Variants in NKAIN3 observed in about 807,000 individuals in gnomAD.
NKAIN3 encodes the protein sodium/potassium transporting ATPase interacting 3, also known as sodium/potassium-transporting ATPase subunit beta-1-interacting protein 3.
Under a neutral mutation model 30.2 loss-of-function variants are expected in NKAIN3, and 25 were observed. The observed-to-expected ratio is 0.83, with a 90% CI of 0.60 to 1.16. NKAIN3 has a LOEUF of 1.16. Among genes scored for constraint, NKAIN3 ranks in the 50% most tolerant of loss-of-function variants. The pLI, the probability that NKAIN3 is intolerant of heterozygous loss-of-function variation, is 0.00. For missense variants in NKAIN3, 225 were observed against 254.1 expected (o/e 0.89, Z 0.78); for synonymous variants, 91 against 89.6 (o/e 1.02, Z -0.09).
In NKAIN3 at chr8:62,977,641, G is replaced by A. The variant is rs983870431; in HGVS notation, c.*12234G>A. ...TTTTATCAAGGTTCTTAGCTTCCTC[G>A]TATTGGGTTACTATATGTTCCATTC... On this transcript the variant is annotated 3_prime_UTR_variant, in exon 7 of 7. Transcript: ENST00000623646. Among the ~76,000 whole-genome samples the A allele has an allele frequency of 3.9e-5, 6 of 151,962 alleles. No individual in the cohort carries two copies. The highest frequency in any genetic ancestry group is 3.4e-3 in the Middle Eastern group (1 of 292).
At chr8:62,758,890 T>G (rs1036208086) in intron 4 of NKAIN3, among the ~76,000 whole-genome samples, 7 of 152,334 alleles carry the variant, frequency 4.6e-5, no homozygotes, top group African/African-American at 9.6e-5. Context: ...CAATATGAAT[T>G]TTTGAGAACA....
At chr8:62,443,985 C>T (rs992862765) in intron 1 of NKAIN3, among the ~76,000 whole-genome samples, 3 of 151,944 alleles carry the variant, frequency 2.0e-5, no homozygotes, top group Admixed American at 2.0e-4. Context: ...TAAAAAACAG[C>T]CAGTGGAATT....
intron 1 of NKAIN3, among the ~76,000 whole-genome samples, chr8:62,422,536 G>A (rs1261829995): frequency 1.3e-5 from 2 of 152,130 alleles, no homozygotes; most frequent in Non-Finnish European, 2.9e-5. Flanking sequence ...CACTGGTGAT[G>A]TAGAAGATCG....
chr8:62,739,355 AC>A (rs1290598603), intron 3 of NKAIN3, among the ~76,000 whole-genome samples: 1 of 152,134 alleles, frequency 6.6e-6, no homozygotes, highest in African/African-American at 2.4e-5. Flanking sequence ...GTCCTCATAA[AC>A]TTTTTGTATA....
At chr8:62,543,097 C>T (rs927548630) in intron 1 of NKAIN3, among the ~76,000 whole-genome samples, 4 of 152,172 alleles carry the variant, frequency 2.6e-5, no homozygotes, top group African/African-American at 9.7e-5. Context: ...TTTCTCTCAA[C>T]ATTCAGTCTC....
intron 1 of NKAIN3, among the ~76,000 whole-genome samples, chr8:62,345,620 CATAT>C (rs1295761116): frequency 7.4e-6 from 1 of 134,808 alleles, no homozygotes; most frequent in Admixed American, 7.4e-5. Context: ...TATATACACA[CATAT>C]ATATACACAT....
At position 62,512,326 on chromosome 8, in the gene NKAIN3, A is replaced by G. The variant is rs1378705907; in HGVS notation, c.55-67213A>G. Among the ~76,000 whole-genome samples the G allele has an allele frequency of 3.9e-5, 6 of 152,000 alleles. No homozygotes were observed. In the East Asian group the frequency reaches 1.2e-3, roughly 29 times the overall value. Reference sequence around the variant, plus strand: ...CTAATCCCAGATACCCTCACCCAGTATTTCTCTATAATGTTCCTAATCCAT... The same window carrying G: ...CTAATCCCAGATACCCTCACCCAGTGTTTCTCTATAATGTTCCTAATCCAT... On this transcript the variant is annotated intron_variant, in intron 1 of 6. Transcript: ENST00000623646.
intron 1 of NKAIN3, among the ~76,000 whole-genome samples, chr8:62,389,030 C>T (rs1342506942): frequency 6.6e-6 from 1 of 152,106 alleles, no homozygotes; most frequent in African/African-American, 2.4e-5. Context: ...AGCTCACCTG[C>T]TTTTCTGTGG....
chr8:62,813,963 C>T (rs1818580426), intron 4 of NKAIN3, among the ~76,000 whole-genome samples: 1 of 152,020 alleles, frequency 6.6e-6, no homozygotes, highest in African/African-American at 2.4e-5. Context: ...AATATATCAT[C>T]TCATTCTGTC....
chr8:62,943,371 T>A (rs1823024664), intron 5 of NKAIN3, among the ~76,000 whole-genome samples: 1 of 147,506 alleles, frequency 6.8e-6, no homozygotes, highest in Admixed American at 6.6e-5. Flanking sequence ...ATGGTCATAA[T>A]TTAAAAATCA....
intron 3 of NKAIN3, among the ~76,000 whole-genome samples, chr8:62,637,664 T>C (rs1812176239): frequency 1.3e-5 from 2 of 152,154 alleles, no homozygotes; most frequent in South Asian, 2.1e-4. Flanking sequence ...CATTAATTCA[T>C]TTGGGAGATT....
At chr8:62,718,586 T>A (rs1451359423) in intron 3 of NKAIN3, among the ~76,000 whole-genome samples, 2 of 152,218 alleles carry the variant, frequency 1.3e-5, no homozygotes, top group Admixed American at 1.3e-4. Flanking sequence ...TTTAAAATAT[T>A]CAATTGTGGT....
At chr8:62,828,580 TA>T (rs1239331102) in intron 4 of NKAIN3, among the ~76,000 whole-genome samples, 1 of 151,932 alleles carries the variant, frequency 6.6e-6, no homozygotes. Context: ...ATAAACTAGC[TA>T]AAAAAATTTT....
intron 3 of NKAIN3, among the ~76,000 whole-genome samples, chr8:62,623,955 A>G (rs938350033): frequency 6.6e-6 from 1 of 152,130 alleles, no homozygotes; most frequent in Non-Finnish European, 1.5e-5. Flanking sequence ...TGGATTATTC[A>G]TGAGTTTTCC....
chr8:62,550,454 T>C (rs1434486416), intron 1 of NKAIN3, among the ~76,000 whole-genome samples: 1 of 152,232 alleles, frequency 6.6e-6, no homozygotes, highest in African/African-American at 2.4e-5. Context: ...TTTCAGTTGT[T>C]GTTTCTCTAA....
chr8:62,399,027 G>A (rs1817851990), intron 1 of NKAIN3, among the ~76,000 whole-genome samples: 1 of 152,156 alleles, frequency 6.6e-6, no homozygotes, highest in Non-Finnish European at 1.5e-5. Context: ...GAAGGCAGAG[G>A]TTGCAGTGAG....
At chr8:62,666,801 G>A (rs944390490) in intron 3 of NKAIN3, among the ~76,000 whole-genome samples, 1 of 151,968 alleles carries the variant, frequency 6.6e-6, no homozygotes, top group African/African-American at 2.4e-5. Flanking sequence ...TCTAAAAATT[G>A]TTCCAGCTCC....
intron 1 of NKAIN3, among the ~76,000 whole-genome samples, chr8:62,277,572 T>C (rs1813004844): frequency 6.6e-6 from 1 of 152,136 alleles, no homozygotes; most frequent in Non-Finnish European, 1.5e-5. Flanking sequence ...TTTATCATCT[T>C]CTCTGAAACT....
At chr8:62,521,135 G>T (rs1184240362) in intron 1 of NKAIN3, among the ~76,000 whole-genome samples, 1 of 151,744 alleles carries the variant, frequency 6.6e-6, no homozygotes, top group Non-Finnish European at 1.5e-5. Context: ...TGAAATTAGG[G>T]CAAATGTGCC....
Sources: allele counts gnomAD v4.1 joint callset (sites outside exome capture counted in the v4.1 genomes callset), GRCh38; gene constraint gnomAD v4.1.1; transcripts MANE v1.5; gene names NCBI Gene and HGNC (gene_info 2026-07-23, HGNC 2026-07-21).